The following FGD4 variants were observed in gnomAD, a reference collection of about 807,000 sequenced individuals.
The protein encoded by FGD4 is FYVE, RhoGEF and PH domain containing 4.
FGD4 carries 42 observed loss-of-function variants against 102.0 expected under a neutral mutation model. The ratio of observed to expected loss-of-function variants is 0.41; its 90% CI spans 0.32 to 0.53. The LOEUF is 0.53. Among genes scored for constraint, FGD4 ranks in the 20% least tolerant of loss-of-function variants. The pLI, the probability that FGD4 is intolerant of heterozygous loss-of-function variation, is 0.21. For missense variants in FGD4, 902 were observed against 1,078.2 expected (o/e 0.84, Z 2.29); for synonymous variants, 380 against 375.7 (o/e 1.01, Z -0.13).
At chr12:32,586,150 A>G (rs777974263) in intron 4 of FGD4, among the ~76,000 whole-genome samples, 2 of 152,202 alleles carry the variant, frequency 1.3e-5, no homozygotes, top group Non-Finnish European at 2.9e-5. Context: ...ACAGACTGCA[A>G]TGGGCTTTTG....
intron 1 of FGD4, among the ~76,000 whole-genome samples, chr12:32,435,522 A>G (rs1942201054): frequency 2.0e-5 from 1 of 49,906 alleles, no homozygotes; most frequent in Non-Finnish European, 3.4e-5. Flanking sequence ...TGTGTGTTTT[A>G]AATGACTAAG....
At position 32,399,619 on chromosome 12, in the gene FGD4, G is replaced by A; in HGVS notation, c.-175G>A. ...CCGCAGCCAAACTCGCCGCGACGCC[G>A]GGAGGGAGCGTACCGGGAAGGAGAG... is the stretch of plus-strand genomic sequence containing the variant. On this transcript the variant is annotated 5_prime_UTR_variant, in exon 1 of 17. Coordinates refer to ENST00000534526, the MANE Select transcript of FGD4 (RefSeq NM_001370298.3). 7.2e-7 allele frequency: 1 copy of A among 1,395,322 alleles called. No homozygotes were observed. Among genetic ancestry groups the A allele is most frequent in the Non-Finnish European group, 9.3e-7 (1 of 1,080,008 alleles). The allele number at this position is 1,395,322 out of a possible 1,614,324, so 86.4% of individuals were successfully genotyped here.
chr12:32,419,769 T>G (rs541259796), intron 1 of FGD4, among the ~76,000 whole-genome samples: 1 of 152,300 alleles, frequency 6.6e-6, no homozygotes, highest in East Asian at 1.9e-4. Flanking sequence ...GATTTCCCTC[T>G]GGCTAAGGCC....
intron 1 of FGD4, among the ~76,000 whole-genome samples, chr12:32,558,560 G>A (rs1944295771): frequency 6.6e-6 from 1 of 152,224 alleles, no homozygotes; most frequent in Admixed American, 6.5e-5. Context: ...AACTTAAAAT[G>A]CGAAACAATA....
intron 6 of FGD4, among the ~76,000 whole-genome samples, chr12:32,601,758 G>A (rs1214317501): frequency 6.6e-6 from 1 of 152,196 alleles, no homozygotes; most frequent in Non-Finnish European, 1.5e-5. Context: ...AGCACAGGAT[G>A]TATGTAGAAT....
chr12:32,527,215 A>C lies in FGD4; in HGVS notation c.167-36922A>C, dbSNP rs183674233. Among the ~76,000 whole-genome samples, 120 of 152,314 alleles carry C rather than the reference A, an allele frequency of 7.9e-4. 2 individuals carry two copies. The highest frequency in any genetic ancestry group is 2.6e-3 in the African/African-American group (110 of 41,576). On this transcript the variant is annotated intron_variant, in intron 1 of 16. Transcript: ENST00000534526. The stretch of plus-strand genomic sequence containing the variant: ...AATAATAAAATTATGTTTGTTAATT[A>C]AGTGAATTATGATAGAGTTAAACTG...
intron 4 of FGD4, among the ~76,000 whole-genome samples, chr12:32,591,048 A>C (rs1284652370): frequency 6.6e-6 from 1 of 152,188 alleles, no homozygotes; most frequent in African/African-American, 2.4e-5. Flanking sequence ...GCATCTGATA[A>C]ATTGTGGTAC....
intron 1 of FGD4, among the ~76,000 whole-genome samples, chr12:32,415,722 TTTC>T (rs1941387157): frequency 2.0e-5 from 3 of 152,202 alleles, no homozygotes; most frequent in African/African-American, 7.2e-5. Flanking sequence ...GCCCAGCCTC[TTTC>T]TTTAGCTCTT....
At chr12:32,528,386 C>T (rs77706958) in intron 1 of FGD4, among the ~76,000 whole-genome samples, 3 of 152,068 alleles carry the variant, frequency 2.0e-5, no homozygotes. Flanking sequence ...TACGCACATC[C>T]TCCCTTACAC....
intron 10 of FGD4, among the ~76,000 whole-genome samples, chr12:32,614,267 A>C (rs1949316752): frequency 6.6e-6 from 1 of 152,214 alleles, no homozygotes; most frequent in Non-Finnish European, 1.5e-5. Context: ...AAGTGGCATC[A>C]AGCTTCTAAA....
intron 1 of FGD4, among the ~76,000 whole-genome samples, chr12:32,422,111 T>C (rs1408814379): frequency 6.9e-6 from 1 of 145,568 alleles, no homozygotes; most frequent in Non-Finnish European, 1.5e-5. Context: ...GCCACTACAC[T>C]CCAGTGTGGG....
chr12:32,602,448 T>C (rs1486630537), intron 7 of FGD4, 131 bp downstream of exon 7: 3 of 1,015,662 alleles, frequency 3.0e-6, no homozygotes, highest in Admixed American at 2.0e-5. Context: ...CTCCAAATTA[T>C]GCAGATCATC....
chr12:32,491,095 A>G (rs1198011637), intron 1 of FGD4, among the ~76,000 whole-genome samples: 2 of 148,516 alleles, frequency 1.3e-5, no homozygotes, highest in African/African-American at 2.5e-5. Flanking sequence ...TTTGGCCAGT[A>G]TGAAGAGTAA....
intron 1 of FGD4, among the ~76,000 whole-genome samples, chr12:32,554,541 G>T (rs998883986): frequency 1.3e-5 from 2 of 152,136 alleles, no homozygotes; most frequent in African/African-American, 4.8e-5. Context: ...GAGCACAATT[G>T]CTGCCTTCCT....
intron 11 of FGD4, 119 bp from the exon 12 acceptor site, chr12:32,624,303 T>G: frequency 1.3e-6 from 1 of 773,310 alleles, no homozygotes; most frequent in South Asian, 1.7e-5. Context: ...TTGTTATAAT[T>G]CCTTCCATAA....
chr12:32,538,957 G>T (rs568156735), intron 1 of FGD4, among the ~76,000 whole-genome samples: 2 of 152,118 alleles, frequency 1.3e-5, no homozygotes, highest in Non-Finnish European at 2.9e-5. Flanking sequence ...AGTAGGTTGA[G>T]GCAGGAGAAT....
At chr12:32,472,548 G>A (rs1281664627) in intron 1 of FGD4, among the ~76,000 whole-genome samples, 1 of 152,236 alleles carries the variant, frequency 6.6e-6, no homozygotes, top group Non-Finnish European at 1.5e-5. Context: ...CTCGGGACCT[G>A]CAGCCCGCCA....
At chr12:32,443,533 G>GGT (rs1339123726) in intron 1 of FGD4, among the ~76,000 whole-genome samples, 86 of 145,476 alleles carry the variant, frequency 5.9e-4, no homozygotes, top group African/African-American at 2.1e-3. Context: ...TTGTGTTTTA[G>GGT]GTTTTTTTTT....
intron 2 of FGD4, among the ~76,000 whole-genome samples, chr12:32,574,282 T>C (rs1423354645): frequency 1.3e-5 from 2 of 152,160 alleles, no homozygotes; most frequent in African/African-American, 4.8e-5. Context: ...TTATATTCAC[T>C]TCCTTTAGTA....
Sources: allele counts gnomAD v4.1 joint callset (sites outside exome capture counted in the v4.1 genomes callset), GRCh38; gene constraint gnomAD v4.1.1; transcripts MANE v1.5; gene names NCBI Gene and HGNC (gene_info 2026-07-23, HGNC 2026-07-21).